CNTNAP2: variants seen among roughly 807,000 people sequenced by gnomAD.
The protein encoded by CNTNAP2 is contactin associated protein 2.
In CNTNAP2, 98 loss-of-function variants were observed where a neutral mutation model predicts 155.2. That is an observed-to-expected ratio of 0.63 (90% CI 0.54 to 0.75). The LOEUF is 0.75. CNTNAP2 is among the 30% of genes least tolerant of loss of function. The pLI is 0.00. For missense variants in CNTNAP2, 1,727 were observed against 1,688.1 expected, an observed-to-expected ratio of 1.02 and a Z score of -0.40; for synonymous variants, 651 against 631.2, an observed-to-expected ratio of 1.03 and a Z score of -0.47.
intron 12 of CNTNAP2, among the ~76,000 whole-genome samples, chr7:147,601,147 T>G (rs1800935360): frequency 6.6e-6 from 1 of 152,158 alleles, no homozygotes; most frequent in South Asian, 2.1e-4. Context: ...TTTGTACCTC[T>G]GTCTCCTCCC....
intron 10 of CNTNAP2, among the ~76,000 whole-genome samples, chr7:147,453,629 G>A (rs1484600446): frequency 1.3e-5 from 2 of 152,134 alleles, no homozygotes; most frequent in African/African-American, 4.8e-5. Context: ...GACTTGTACA[G>A]TAACACTCGT....
At chr7:147,106,555 T>G (rs914216815) in intron 4 of CNTNAP2, among the ~76,000 whole-genome samples, 1 of 152,126 alleles carries the variant, frequency 6.6e-6, no homozygotes, top group Non-Finnish European at 1.5e-5. Context: ...ATTATAAGAA[T>G]TAAAATTTAA....
At chr7:147,396,595 G>A (rs1057360841) in intron 10 of CNTNAP2, among the ~76,000 whole-genome samples, 7 of 151,956 alleles carry the variant, frequency 4.6e-5, no homozygotes, top group African/African-American at 1.7e-4. Flanking sequence ...GTGGGAAGAT[G>A]CAACTTTTCT....
intron 1 of CNTNAP2, among the ~76,000 whole-genome samples, chr7:146,295,302 T>C (rs1330571258): frequency 4.6e-5 from 7 of 151,058 alleles, no homozygotes; most frequent in African/African-American, 1.5e-4. Flanking sequence ...AGTTAGAGGC[T>C]GCAAAAACTG....
chr7:147,520,457 G>A (rs1176340687), intron 11 of CNTNAP2, among the ~76,000 whole-genome samples: 1 of 152,142 alleles, frequency 6.6e-6, no homozygotes, highest in Middle Eastern at 3.2e-3. Flanking sequence ...CTAACAACTG[G>A]TTATCGCTGA....
chr7:146,474,483 G>C (rs143319207), intron 1 of CNTNAP2, among the ~76,000 whole-genome samples: 81 of 151,234 alleles, frequency 5.4e-4, no homozygotes, highest in African/African-American at 1.8e-3. Flanking sequence ...CAGGGAAGGA[G>C]AATGCTGTTG....
intron 1 of CNTNAP2, among the ~76,000 whole-genome samples, chr7:146,443,516 T>C (rs374640100): frequency 2.6e-5 from 4 of 152,202 alleles, no homozygotes; most frequent in African/African-American, 9.6e-5. Context: ...AAAGCCGTAA[T>C]AACTCTTACT....
chr7:146,722,928 T>C (rs138571506), intron 1 of CNTNAP2, among the ~76,000 whole-genome samples: 1 of 152,094 alleles, frequency 6.6e-6, no homozygotes, highest in African/African-American at 2.4e-5. Context: ...GGAAGGAGAA[T>C]TGCTTGAACC....
chr7:146,789,691 A>G (rs1187200259), intron 2 of CNTNAP2, among the ~76,000 whole-genome samples: 1 of 151,744 alleles, frequency 6.6e-6, no homozygotes, highest in Non-Finnish European at 1.5e-5. Flanking sequence ...CATTCTCTCT[A>G]CCAGAAAAGA....
chr7:147,939,023 C>A (rs1296254246), intron 14 of CNTNAP2, among the ~76,000 whole-genome samples: 1 of 152,142 alleles, frequency 6.6e-6, no homozygotes, highest in African/African-American at 2.4e-5. Context: ...TAGATTTCAT[C>A]ATTTCCTGTG....
Position 146,129,185 on chromosome 7 carries a change from G to C in CNTNAP2, c.97+12212G>C, listed in dbSNP as rs762084155. Among the ~76,000 whole-genome samples, 3 of 152,024 alleles carry C rather than the reference G, an allele frequency of 2.0e-5. No individual in the cohort carries two copies. The South Asian group carries it at 6.2e-4, about 32-fold the overall frequency. On this transcript the variant is annotated intron_variant, in intron 1 of 23. Coordinates refer to ENST00000361727, the MANE Select transcript of CNTNAP2 (RefSeq NM_014141.6). ...TTTTACAGAGCATATAATCACCCAC[G>C]TATCAATTTTTGGAATTTAAAATGT...
At chr7:147,710,464 C>G (rs910241515) in intron 13 of CNTNAP2, among the ~76,000 whole-genome samples, 1 of 151,898 alleles carries the variant, frequency 6.6e-6, no homozygotes, top group African/African-American at 2.4e-5. Context: ...TCTTTTTTGC[C>G]TTCTGCTTAA....
intron 1 of CNTNAP2, among the ~76,000 whole-genome samples, chr7:146,773,892 C>T (rs1802340975): frequency 6.6e-6 from 1 of 152,152 alleles, no homozygotes. Context: ...GTCTTTCCTC[C>T]TCCAACATTA....
In CNTNAP2 at chr7:148,249,702, C is replaced by T. The variant is rs182739016; in HGVS notation, c.3382-17331C>T. Among the ~76,000 whole-genome samples the T allele has an allele frequency of 6.9e-3, 1,052 of 152,330 alleles. 2 individuals are homozygous for T. The highest frequency in any genetic ancestry group is 0.02 in the Middle Eastern group (6 of 294). On this transcript the variant is annotated intron_variant, in intron 20 of 23. Coordinates refer to ENST00000361727, the MANE Select transcript of CNTNAP2 (RefSeq NM_014141.6). ...AATTTCAGCTGATGGCAACTCCATC[C>T]TTCCAGCTGGTCAGGATTAAAACCT...
At chr7:146,559,074 G>A (rs1156830652) in intron 1 of CNTNAP2, among the ~76,000 whole-genome samples, 1 of 152,120 alleles carries the variant, frequency 6.6e-6, no homozygotes, top group South Asian at 2.1e-4. Context: ...AGTTGGGCAG[G>A]AGGAATATAT....
intron 13 of CNTNAP2, among the ~76,000 whole-genome samples, chr7:147,701,075 AT>A: frequency 6.6e-6 from 1 of 152,106 alleles, no homozygotes; most frequent in African/African-American, 2.4e-5. Context: ...TTCTTCCTGG[AT>A]TTTTTGTAGT....
In CNTNAP2 at chr7:146,761,383, T is replaced by C. The variant is rs185125275; in HGVS notation, c.98-12888T>C. On this transcript the variant is annotated intron_variant, in intron 1 of 23. Coordinates refer to ENST00000361727, the MANE Select transcript of CNTNAP2 (RefSeq NM_014141.6). ...AAAAGAGAGGGAAGCAGACTAAATT[T>C]AGTGTAAGTGATGGTGAACTCAGGG... Among the ~76,000 whole-genome samples the C allele has an allele frequency of 2.9e-3, 436 of 152,130 alleles. 1 individual carries two copies. Among genetic ancestry groups the C allele is most frequent in the African/African-American group, 9.9e-3 (410 of 41,520 alleles).
At chr7:147,273,667 A>G (rs890820627) in intron 8 of CNTNAP2, among the ~76,000 whole-genome samples, 1 of 151,012 alleles carries the variant, frequency 6.6e-6, no homozygotes, top group African/African-American at 2.4e-5. Context: ...AGCTCAATCC[A>G]TGTTGCAAAA....
At chr7:147,818,778 AT>A (rs1227452409) in intron 13 of CNTNAP2, among the ~76,000 whole-genome samples, 1 of 152,248 alleles carries the variant, frequency 6.6e-6, no homozygotes, top group African/African-American at 2.4e-5. Flanking sequence ...GCCTTAAAAA[AT>A]AAAAAGAAAT....
Sources: gnomAD v4.1 joint callset for allele counts (sites outside exome capture counted in the v4.1 genomes callset) on GRCh38, gnomAD v4.1.1 for gene constraint, MANE v1.5 for transcripts, NCBI Gene and HGNC (gene_info 2026-07-23, HGNC 2026-07-21) for gene names.